CDC73: variants seen among roughly 807,000 people sequenced by gnomAD.
The protein encoded by CDC73 is cell division cycle 73, also known as parafibromin.
Under a neutral mutation model 83.7 loss-of-function variants are expected in CDC73, and 21 were observed. The observed-to-expected ratio is 0.25, with a 90% CI of 0.18 to 0.36. The LOEUF is 0.36. Ranked by LOEUF, CDC73 falls within the 10% of genes least tolerant of loss-of-function variation. The probability of loss-of-function intolerance (pLI) is 1.00; values close to 1 mark genes in which losing one functional copy is unlikely to be tolerated. For synonymous variants in CDC73, 224 were observed against 212.9 expected, an observed-to-expected ratio of 1.05 and a Z score of -0.45; for missense variants, 342 against 653.3, an observed-to-expected ratio of 0.52 and a Z score of 5.19.
chr1:193,145,816 A>G (rs1261356049), intron 7 of CDC73, among the ~76,000 whole-genome samples: 3 of 152,216 alleles, frequency 2.0e-5, no homozygotes, highest in Non-Finnish European at 4.4e-5. Flanking sequence ...TTTTATATAC[A>G]TATTTATTTG....
intron 10 of CDC73, among the ~76,000 whole-genome samples, chr1:193,193,540 T>C (rs970244701): frequency 5.3e-5 from 8 of 152,164 alleles, no homozygotes; most frequent in Non-Finnish European, 1.2e-4. Flanking sequence ...TTAAATAAGA[T>C]GTGGTCTCAT....
rs80356643 is a variant in CDC73 at position 193,122,190 on chromosome 1, G to A, written c.-11G>A. The stretch of plus-strand genomic sequence containing the variant: ...CGGCGCCCCGAGCCGGCGGAGGCGA[G>A]GGGGGGGAAGATGGCGGACGTGCTT... On this transcript the variant is annotated 5_prime_UTR_variant, in exon 1 of 17. Coordinates refer to ENST00000367435, the MANE Select transcript of CDC73 (RefSeq NM_024529.5). 3.2e-4 allele frequency: 518 copies of A among 1,602,492 alleles called. 4 individuals are homozygous for A. Among genetic ancestry groups the A allele is most frequent in the Middle Eastern group, 2.5e-3 (15 of 6,020 alleles).
At chr1:193,124,552 C>T (rs566464764) in intron 1 of CDC73, among the ~76,000 whole-genome samples, 3 of 152,172 alleles carry the variant, frequency 2.0e-5, no homozygotes, top group Admixed American at 1.3e-4. Context: ...GATCTTGCAC[C>T]GTTAGTAGAC....
chr1:193,164,645 A>G (rs1676403577), intron 10 of CDC73, among the ~76,000 whole-genome samples: 1 of 152,104 alleles, frequency 6.6e-6, no homozygotes, highest in African/African-American at 2.4e-5. Flanking sequence ...TTAACTCTTC[A>G]TTAAAAAAAA....
At chr1:193,134,013 T>C (rs1379971722) in intron 3 of CDC73, among the ~76,000 whole-genome samples, 3 of 152,104 alleles carry the variant, frequency 2.0e-5, no homozygotes, top group Non-Finnish European at 4.4e-5. Flanking sequence ...GTTATAATGT[T>C]AATCAGTGCA....
intron 10 of CDC73, among the ~76,000 whole-genome samples, chr1:193,156,430 C>T (rs1676209094): frequency 6.6e-6 from 1 of 152,174 alleles, no homozygotes; most frequent in Non-Finnish European, 1.5e-5. Flanking sequence ...TGAATTTATT[C>T]CAACAGTCAT....
At chr1:193,203,031 A>T (rs1248539037) in intron 10 of CDC73, among the ~76,000 whole-genome samples, 1 of 152,062 alleles carries the variant, frequency 6.6e-6, no homozygotes, top group East Asian at 1.9e-4. Flanking sequence ...TAGTTATGAA[A>T]TTTACACTTG....
intron 6 of CDC73, among the ~76,000 whole-genome samples, chr1:193,140,783 C>G (rs748495587): frequency 1.3e-5 from 2 of 152,100 alleles, no homozygotes; most frequent in African/African-American, 4.8e-5. Context: ...TTAAAACTTA[C>G]GAATTATTTA....
At chr1:193,224,504 T>C (rs1469231813) in intron 13 of CDC73, among the ~76,000 whole-genome samples, 1 of 152,118 alleles carries the variant, frequency 6.6e-6, no homozygotes, top group Admixed American at 6.6e-5. Flanking sequence ...ATATGAAATA[T>C]GCATTCACAT....
intron 10 of CDC73, among the ~76,000 whole-genome samples, chr1:193,168,537 T>C (rs1484667535): frequency 6.6e-6 from 1 of 152,114 alleles, no homozygotes; most frequent in East Asian, 1.9e-4. Context: ...TGCCTTTTTT[T>C]TTTTTTGAGA....
chr1:193,191,584 C>A (rs539512159), intron 10 of CDC73, among the ~76,000 whole-genome samples: 1 of 151,956 alleles, frequency 6.6e-6, no homozygotes, highest in African/African-American at 2.4e-5. Context: ...GTCGCGGTTT[C>A]GTCATGTTGC....
rs1158436051 is a variant in CDC73 at position 193,244,493 on chromosome 1, G to GGTCACTTGAGCCCAGAAGT, written c.1418-5236_1418-5218dup. ...GCTGCTGGAGAGGTTGGGCCAGGAG[G>GGTCACTTGAGCCCAGAAGT]GTCACTTGAGCCCAGAAGTTTGAGG... On this transcript the variant is annotated intron_variant, in intron 15 of 16. Coordinates refer to ENST00000367435, the MANE Select transcript of CDC73 (RefSeq NM_024529.5). Among the ~76,000 whole-genome samples, 29 of 152,164 alleles carry GGTCACTTGAGCCCAGAAGT rather than the reference G, an allele frequency of 1.9e-4. 1 individual carries two copies. Among genetic ancestry groups the GGTCACTTGAGCCCAGAAGT allele is most frequent in the African/African-American group, 7.0e-4 (29 of 41,434 alleles).
chr1:193,155,502 G>A (rs1676192586), intron 10 of CDC73, among the ~76,000 whole-genome samples: 1 of 152,178 alleles, frequency 6.6e-6, no homozygotes, highest in South Asian at 2.1e-4. Flanking sequence ...GTTAGGCCAG[G>A]CGCAGTGGCT....
At chr1:193,238,007 C>G (rs1677792556) in intron 15 of CDC73, among the ~76,000 whole-genome samples, 3 of 152,072 alleles carry the variant, frequency 2.0e-5, no homozygotes, top group Non-Finnish European at 4.4e-5. Flanking sequence ...TACCTACTTG[C>G]TTGCCTTGTT....
At chr1:193,142,186 T>C (rs2103126729) in intron 7 of CDC73, 120 bp downstream of exon 7, 1 of 796,980 alleles carries the variant, frequency 1.3e-6, no homozygotes, top group Non-Finnish European at 2.2e-6. Context: ...GTTTTATCTC[T>C]TTGAAAGCTC....
intron 10 of CDC73, among the ~76,000 whole-genome samples, chr1:193,171,058 G>A (rs1000897327): frequency 5.3e-5 from 8 of 152,162 alleles, no homozygotes; most frequent in Non-Finnish European, 1.2e-4. Flanking sequence ...GGAGACTGAG[G>A]CACACACTGG....
chr1:193,238,792 C>A (rs1038288788), intron 15 of CDC73, among the ~76,000 whole-genome samples: 2 of 152,114 alleles, frequency 1.3e-5, no homozygotes, highest in Non-Finnish European at 2.9e-5. Flanking sequence ...AGAGAAAATA[C>A]ATTTACTGTT....
chr1:193,230,507 T>G (rs1236602026), intron 13 of CDC73, among the ~76,000 whole-genome samples: 1 of 145,574 alleles, frequency 6.9e-6, no homozygotes. Flanking sequence ...ACCAGGAGCT[T>G]TATGGAACCT....
chr1:193,136,522 G>A (rs1285908058), intron 5 of CDC73: 1 of 282,596 alleles, frequency 3.5e-6, no homozygotes, highest in South Asian at 3.0e-5. Context: ...TAGATGATAT[G>A]CATAGTACTC....
Sources: gnomAD v4.1 joint callset for allele counts (sites outside exome capture counted in the v4.1 genomes callset) on GRCh38, gnomAD v4.1.1 for gene constraint, MANE v1.5 for transcripts, NCBI Gene and HGNC (gene_info 2026-07-23, HGNC 2026-07-21) for gene names.